The following SLC38A12 variants were observed in gnomAD, a reference collection of about 807,000 sequenced individuals.
The protein encoded by SLC38A12 is putative sodium-coupled neutral amino acid transporter 12.
At chr17:74,790,681 C>A in the SLC38A12 span, among the ~76,000 whole-genome samples, 74 of 151,912 alleles carry the variant, frequency 4.9e-4, no homozygotes, top group Non-Finnish European at 9.9e-4. Context: ...TCATACATGC[C>A]CCTGCCTTGC....
chr17:74,834,476 A>T, the SLC38A12 span, among the ~76,000 whole-genome samples: 1 of 152,272 alleles, frequency 6.6e-6, no homozygotes, highest in African/African-American at 2.4e-5. Flanking sequence ...GATTAAAAGT[A>T]ATAGATGAAG....
At chr17:74,812,858 G>A in the SLC38A12 span, among the ~76,000 whole-genome samples, 1 of 152,230 alleles carries the variant, frequency 6.6e-6, no homozygotes, top group Admixed American at 6.5e-5. Flanking sequence ...AAGGCTCAGA[G>A]TGGACCTGCT....
chr17:74,797,088 C>A, the SLC38A12 span, among the ~76,000 whole-genome samples: 11 of 152,292 alleles, frequency 7.2e-5, no homozygotes, highest in South Asian at 2.1e-4. Flanking sequence ...CTGCTGGAAT[C>A]TAAAGACCCT....
the SLC38A12 span, among the ~76,000 whole-genome samples, chr17:74,815,574 C>T: frequency 6.6e-6 from 1 of 152,280 alleles, no homozygotes; most frequent in East Asian, 1.9e-4. Flanking sequence ...GGTTAAAGGA[C>T]ATAACACATT....
chr17:74,834,264 G>A, the SLC38A12 span, among the ~76,000 whole-genome samples: 4 of 151,946 alleles, frequency 2.6e-5, no homozygotes, highest in Non-Finnish European at 5.9e-5. Flanking sequence ...CTAGGTCGCC[G>A]CTTCCGCTTG....
chr17:74,794,945 A>G, the SLC38A12 span: 1 of 1,246,218 alleles, frequency 8.0e-7, no homozygotes, highest in Non-Finnish European at 1.1e-6. Flanking sequence ...CAAAAAGAAG[A>G]AGAAAAAAAA....
the SLC38A12 span, among the ~76,000 whole-genome samples, chr17:74,789,519 G>T: frequency 7.4e-6 from 1 of 134,716 alleles, no homozygotes; most frequent in South Asian, 2.4e-4. Context: ...AACAGACTGA[G>T]ATAACATGAA....
At chr17:74,788,091 G>A in the SLC38A12 span, among the ~76,000 whole-genome samples, 3 of 152,076 alleles carry the variant, frequency 2.0e-5, no homozygotes, top group Non-Finnish European at 4.4e-5. Context: ...ACCGCCCCTG[G>A]CCTCAAGTTT....
At chr17:74,811,598 G>A in the SLC38A12 span, among the ~76,000 whole-genome samples, 231 of 152,138 alleles carry the variant, frequency 1.5e-3, 1 homozygote, top group African/African-American at 5.1e-3. Context: ...GCATATGCCT[G>A]TAGCCCCAGC....
the SLC38A12 span, among the ~76,000 whole-genome samples, chr17:74,830,622 C>T: frequency 1.3e-5 from 2 of 152,238 alleles, no homozygotes; most frequent in African/African-American, 2.4e-5. Flanking sequence ...AGAACCTTGG[C>T]TTGTCCAGAT....
chr17:74,787,220 C>A, the SLC38A12 span, among the ~76,000 whole-genome samples: 3 of 152,280 alleles, frequency 2.0e-5, no homozygotes, highest in East Asian at 5.8e-4. Context: ...AGTGACCCCT[C>A]TGCCTCCTGC....
At chr17:74,801,227 G>A in the SLC38A12 span, among the ~76,000 whole-genome samples, 7,308 of 152,238 alleles carry the variant, frequency 0.048, 605 homozygotes, top group African/African-American at 0.17. Context: ...TTCAGTTCTG[G>A]AGACTCTAGA....
chr17:74,836,501 C>G, the SLC38A12 span: 1 of 1,611,904 alleles, frequency 6.2e-7, no homozygotes, highest in South Asian at 1.1e-5. The surrounding 1 kb of genome is among the most constrained non-coding windows in gnomAD (Gnocchi z 4.2). Context: ...GCATCCAGTA[C>G]GTCATCCCCG....
the SLC38A12 span, among the ~76,000 whole-genome samples, chr17:74,827,526 C>A: frequency 6.6e-6 from 1 of 152,210 alleles, no homozygotes; most frequent in Middle Eastern, 3.4e-3. The surrounding 1 kb of genome is among the most constrained non-coding windows in gnomAD (Gnocchi z 4.7). Flanking sequence ...GAACTCCTGA[C>A]CTCAAGTGAT....
At chr17:74,819,745 C>A in the SLC38A12 span, 2 of 1,614,100 alleles carry the variant, frequency 1.2e-6, no homozygotes, top group Non-Finnish European at 1.7e-6. Context: ...GTTTCCATCC[C>A]CCAGGCGATC....
the SLC38A12 span, chr17:74,838,931 A>T: frequency 3.3e-6 from 5 of 1,535,766 alleles, no homozygotes; most frequent in Non-Finnish European, 4.4e-6. Flanking sequence ...AGAGGATGCC[A>T]GCCCAGCCTG....
the SLC38A12 span, among the ~76,000 whole-genome samples, chr17:74,821,574 A>G: frequency 6.6e-6 from 1 of 152,306 alleles, no homozygotes; most frequent in African/African-American, 2.4e-5. Flanking sequence ...GTCAGCAGGG[A>G]TCAGAAACAC....
the SLC38A12 span, chr17:74,777,159 A>C: frequency 1.4e-6 from 1 of 717,764 alleles, no homozygotes; most frequent in Admixed American, 2.3e-5. Context: ...TGAGGCCCTA[A>C]GTGTCTGTGA....
At chr17:74,795,634 T>G in the SLC38A12 span, 8 of 1,612,006 alleles carry the variant, frequency 5.0e-6, no homozygotes, top group African/African-American at 1.3e-5. Flanking sequence ...ATCTACTTGG[T>G]GAGTGTCTGT....
Sources: gnomAD v4.1 joint callset for allele counts (sites outside exome capture counted in the v4.1 genomes callset) on GRCh38, gnomAD v4.1.1 for gene constraint, Gnocchi (gnomAD v3.1) non-coding constraint, MANE v1.5 for transcripts, NCBI Gene and HGNC (gene_info 2026-07-23, HGNC 2026-07-21) for gene names.